RANBP2: variants seen among roughly 807,000 people sequenced by gnomAD.
The protein encoded by RANBP2 is E3 SUMO-protein ligase RanBP2.
In RANBP2, 57 loss-of-function variants were observed where a neutral mutation model predicts 303.6. That is an observed-to-expected ratio of 0.19 (90% confidence interval 0.15 to 0.23). The LOEUF is 0.23. Ranked by LOEUF, RANBP2 falls within the 10% of genes least tolerant of loss-of-function variation. RANBP2 has a pLI of 1.00. For synonymous variants in RANBP2, 1,167 were observed against 1,301.5 expected (o/e 0.90, Z 2.23); for missense variants, 3,138 against 3,780.8 (o/e 0.83, Z 4.46).
At chr2:108,926,601 G>A in the RANBP2 span, among the ~76,000 whole-genome samples, 2 of 152,202 alleles carry the variant, frequency 1.3e-5, no homozygotes, top group African/African-American at 4.8e-5. Context: ...CCGGGGTGAG[G>A]CCTGGAGAGG....
chr2:109,347,808 G>A, the RANBP2 span: 50 of 1,613,874 alleles, frequency 3.1e-5, no homozygotes, highest in Admixed American at 6.7e-4. Flanking sequence ...ACGGCGAGCT[G>A]CACGGCACAC....
the RANBP2 span, among the ~76,000 whole-genome samples, chr2:109,356,751 C>T: frequency 1.3e-5 from 2 of 152,202 alleles, no homozygotes; most frequent in Non-Finnish European, 2.9e-5. Flanking sequence ...AGGGAGCCTG[C>T]CCACATTGCA....
At chr2:109,010,567 T>G in the RANBP2 span, among the ~76,000 whole-genome samples, 2 of 152,172 alleles carry the variant, frequency 1.3e-5, no homozygotes, top group African/African-American at 2.4e-5. Flanking sequence ...TGCAGATGGC[T>G]GTCTTCTTGC....
At chr2:108,997,463 A>AAAAAAG in the RANBP2 span, among the ~76,000 whole-genome samples, 27 of 148,304 alleles carry the variant, frequency 1.8e-4, no homozygotes, top group Non-Finnish European at 3.3e-4. Context: ...AAAAAAAAAA[A>AAAAAAG]GATGATGGTC....
At chr2:108,964,078 A>T in the RANBP2 span, among the ~76,000 whole-genome samples, 6 of 152,214 alleles carry the variant, frequency 3.9e-5, no homozygotes, top group African/African-American at 1.4e-4. Context: ...TCTCATGTTA[A>T]TGAATTCTAC....
chr2:108,917,551 T>C, the RANBP2 span, among the ~76,000 whole-genome samples: 3 of 152,198 alleles, frequency 2.0e-5, no homozygotes, highest in Non-Finnish European at 4.4e-5. Context: ...TATGTATCAA[T>C]TGAAAGAAGA....
the RANBP2 span, among the ~76,000 whole-genome samples, chr2:108,872,651 GAGGAC>G: frequency 6.6e-6 from 1 of 152,100 alleles, no homozygotes; most frequent in East Asian, 1.9e-4. Flanking sequence ...TCACCTGGCA[GAGGAC>G]AAGAGGGCAA....
the RANBP2 span, among the ~76,000 whole-genome samples, chr2:109,580,963 A>G: frequency 6.6e-6 from 1 of 152,218 alleles, no homozygotes; most frequent in Non-Finnish European, 1.5e-5. Flanking sequence ...AAGAGAAGAA[A>G]GCTGCACAGG....
chr2:109,544,501 C>CA, the RANBP2 span: 1 of 985,076 alleles, frequency 1.0e-6, no homozygotes. Flanking sequence ...AGAGAGCTCT[C>CA]AAAAAATATG....
At chr2:109,100,420 G>A in the RANBP2 span, among the ~76,000 whole-genome samples, 3 of 152,154 alleles carry the variant, frequency 2.0e-5, no homozygotes, top group Non-Finnish European at 4.4e-5. Context: ...GTTTCATCCT[G>A]AAACAATCCC....
chr2:109,634,119 C>CA, the RANBP2 span, among the ~76,000 whole-genome samples: 83 of 56,092 alleles, frequency 1.5e-3, 3 homozygotes, highest in Non-Finnish European at 2.0e-3. Flanking sequence ...GACTCTGTCT[C>CA]AAAAAAAAAA....
Position 108,764,883 on chromosome 2 carries a change from A to G in RANBP2, c.4344A>G (p.Gly1448=), listed in dbSNP as rs554810211. ...ATACAAAATCTGCTAACAAAAGTGG[A>G]TCTTCATTTGTTCATCAAGCTTCAT... ...CQNTKSANKS[G]SSFVHQASFK... The change falls in exon 20 of 29, where the codon GGA becomes GGG. Residue 1448 remains glycine (G), a synonymous_variant. Transcript: ENST00000283195. The G allele has an allele frequency of 1.1e-5, 18 of 1,613,950 alleles. No homozygotes were observed. In the South Asian group the frequency reaches 1.5e-4, roughly 14 times the overall value.
the RANBP2 span, among the ~76,000 whole-genome samples, chr2:109,217,290 A>C: frequency 1.3e-5 from 2 of 152,016 alleles, no homozygotes; most frequent in Non-Finnish European, 2.9e-5. Context: ...TGGTTTTTCA[A>C]ATACAGAGTC....
the RANBP2 span, among the ~76,000 whole-genome samples, chr2:109,592,262 C>A: frequency 3.3e-5 from 5 of 151,554 alleles, no homozygotes; most frequent in East Asian, 5.9e-4. Context: ...GCCAGGAGTT[C>A]GAGACCAGCC....
chr2:108,757,858 G>C (rs1361205244), intron 17 of RANBP2, among the ~76,000 whole-genome samples: 2 of 152,102 alleles, frequency 1.3e-5, no homozygotes, highest in Non-Finnish European at 2.9e-5. Flanking sequence ...TCATTTAGGA[G>C]GTTATTTGTT....
At chr2:109,249,467 C>CTCTT in the RANBP2 span, among the ~76,000 whole-genome samples, 2,150 of 99,068 alleles carry the variant, frequency 0.022, 113 homozygotes, top group Middle Eastern at 0.057. Context: ...TTCTCTCTTT[C>CTCTT]TCTTTCTTTC....
the RANBP2 span, among the ~76,000 whole-genome samples, chr2:109,417,015 C>T: frequency 3.9e-5 from 6 of 152,300 alleles, no homozygotes; most frequent in East Asian, 1.9e-4. Flanking sequence ...GGGCCAGTTC[C>T]GACTGCCAGG....
the RANBP2 span, among the ~76,000 whole-genome samples, chr2:109,257,215 T>C: frequency 6.6e-6 from 1 of 152,104 alleles, no homozygotes; most frequent in African/African-American, 2.4e-5. Context: ...TGACGGTAAG[T>C]CCTTCTTGGA....
the RANBP2 span, among the ~76,000 whole-genome samples, chr2:109,131,857 T>G: frequency 6.6e-6 from 1 of 152,308 alleles, no homozygotes; most frequent in East Asian, 1.9e-4. Context: ...TGGATGTTGT[T>G]TAATAGACGA....
Sources: gnomAD v4.1 joint callset for allele counts (sites outside exome capture counted in the v4.1 genomes callset) on GRCh38, gnomAD v4.1.1 for gene constraint, MANE v1.5 for transcripts, NCBI Gene and HGNC (gene_info 2026-07-23, HGNC 2026-07-21) for gene names.